EPC2: variants seen among roughly 807,000 people sequenced by gnomAD.
The protein encoded by EPC2 is enhancer of polycomb homolog 2.
Under a neutral mutation model 92.1 loss-of-function variants are expected in EPC2, and 14 were observed. That is an observed-to-expected ratio of 0.15 (90% CI 0.10 to 0.24). EPC2 has a LOEUF of 0.24. Ranked by LOEUF, EPC2 falls within the 10% of genes least tolerant of loss-of-function variation. The pLI, the probability that EPC2 is intolerant of heterozygous loss-of-function variation, is 1.00. For missense variants in EPC2, 755 were observed against 971.5 expected (o/e 0.78, Z 2.96); for synonymous variants, 340 against 334.7 (o/e 1.02, Z -0.17).
At chr2:148,744,989 G>GCCCCCCCCCCCCCCCCCCC (rs34269450) in intron 3 of EPC2, among the ~76,000 whole-genome samples, 1 of 46,296 alleles carries the variant, frequency 2.2e-5, no homozygotes, top group Non-Finnish European at 4.9e-5. Flanking sequence ...CTATCAGTTT[G>GCCCCCCCCCCCCCCCCCCC]CCCCCCCCCC....
At chr2:148,785,250 A>G (rs1167771616) in intron 13 of EPC2, among the ~76,000 whole-genome samples, 1 of 151,786 alleles carries the variant, frequency 6.6e-6, no homozygotes, top group Non-Finnish European at 1.5e-5. Flanking sequence ...GAGAGAGAGA[A>G]AGGAAAAGAA....
rs1342500626 is a variant in EPC2, at chr2:148,762,653, T to C, written c.816-17T>C. 1 of 1,549,388 alleles carries C rather than the reference T, an allele frequency of 6.5e-7. No homozygotes were observed. The highest frequency in any genetic ancestry group is 8.7e-7 in the Non-Finnish European group (1 of 1,147,768). On this transcript the variant is annotated splice_polypyrimidine_tract_variant and intron_variant, in intron 5 of 13. Transcript: ENST00000258484. Reference sequence around the variant, plus strand: ...AAACTATGCAATGTTTTCTTATATTTTTGTTACCTTTTCAAGATACCATTT... The same window carrying C: ...AAACTATGCAATGTTTTCTTATATTCTTGTTACCTTTTCAAGATACCATTT...
intron 2 of EPC2, chr2:148,692,388 T>C (rs1681664234): frequency 6.6e-6 from 1 of 152,462 alleles, no homozygotes; most frequent in Admixed American, 6.5e-5. Context: ...TATTTTATTT[T>C]CTTTTGTGTT....
chr2:148,736,223 A>G (rs1682751570), intron 2 of EPC2, among the ~76,000 whole-genome samples: 1 of 152,088 alleles, frequency 6.6e-6, no homozygotes, highest in African/African-American at 2.4e-5. Flanking sequence ...GAGGATGTTT[A>G]TTTTGTTTTA....
chr2:148,747,324 A>G (rs1030732858), intron 3 of EPC2, among the ~76,000 whole-genome samples: 2 of 152,016 alleles, frequency 1.3e-5, no homozygotes, highest in African/African-American at 4.8e-5. Context: ...ACTCCTGTAG[A>G]AGCATAATCC....
intron 2 of EPC2, among the ~76,000 whole-genome samples, chr2:148,709,028 C>T (rs6750985): frequency 0.24 from 36,708 of 151,888 alleles, 5,093 homozygotes; most frequent in East Asian, 0.51. Context: ...GAAAGGGTAT[C>T]CAATTAGGAA....
At chr2:148,694,797 C>T (rs1408464036) in intron 2 of EPC2, among the ~76,000 whole-genome samples, 1 of 152,198 alleles carries the variant, frequency 6.6e-6, no homozygotes, top group Non-Finnish European at 1.5e-5. Context: ...CGGAATCTTG[C>T]TCTGTTGCCC....
At chr2:148,740,071 G>A (rs1378457964) in intron 2 of EPC2, among the ~76,000 whole-genome samples, 1 of 151,506 alleles carries the variant, frequency 6.6e-6, no homozygotes, top group Non-Finnish European at 1.5e-5. Flanking sequence ...CCCACTATTT[G>A]TAAGAGTGGA....
chr2:148,763,808 T>A (rs1482686723), intron 6 of EPC2, among the ~76,000 whole-genome samples: 1 of 152,228 alleles, frequency 6.6e-6, no homozygotes, highest in African/African-American at 2.4e-5. Flanking sequence ...CCATTTTGTG[T>A]CAATCAATGC....
intron 2 of EPC2, among the ~76,000 whole-genome samples, chr2:148,740,740 A>T (rs1682866142): frequency 6.6e-6 from 1 of 152,166 alleles, no homozygotes; most frequent in Non-Finnish European, 1.5e-5. Context: ...ACTTCTGTTT[A>T]ACTTATAAAT....
chr2:148,783,720 G>A lies in EPC2; in HGVS notation c.1981G>A (p.Gly661Ser), dbSNP rs751389449. ...TGAGGTAGCCAAGGAACAGAACACT[G>A]GCCACAACAACATAAACGGTGTTGT... ...RSEVAKEQNTGHNNINGVVQP... is the reference protein window; with the variant it reads ...RSEVAKEQNTSHNNINGVVQP... The change falls in exon 12 of 14, where the codon GGC becomes AGC. Residue 661 changes from glycine to serine, a missense_variant. Coordinates refer to ENST00000258484, the MANE Select transcript of EPC2 (RefSeq NM_015630.4). The A allele has an allele frequency of 1.0e-5, 16 of 1,592,608 alleles. No individual in the cohort carries two copies. The Admixed American group carries it at 1.9e-4, about 19-fold the overall frequency.
intron 3 of EPC2, among the ~76,000 whole-genome samples, chr2:148,750,634 T>C (rs1053766764): frequency 2.0e-5 from 3 of 152,116 alleles, no homozygotes; most frequent in African/African-American, 7.2e-5. Context: ...TTTGTGGCAT[T>C]GTGTAAATTA....
Position 148,771,269 on chromosome 2 carries a change from T to G in EPC2, c.1602T>G (p.Asn534Lys), listed in dbSNP as rs191190211. 792 of 1,613,952 alleles carry G rather than the reference T, an allele frequency of 4.9e-4. No homozygotes were observed. Among genetic ancestry groups the G allele is most frequent in the Non-Finnish European group, 5.9e-4 (696 of 1,179,860 alleles). ...AGTGTTTCCAGCCAAGGCTACTAAA[T>G]TTACAGGACAGTGATAGTGAAGAAT... ...RLQCFQPRLL[N>K]LQDSDSEECT... The change falls in exon 10 of 14, where the codon AAT becomes AAG. Residue 534 changes from asparagine to lysine, a missense_variant. Asn to Lys is a moderately conservative substitution (Grantham distance 94). Coordinates refer to ENST00000258484, the MANE Select transcript of EPC2 (RefSeq NM_015630.4).
chr2:148,668,411 A>G (rs568403714), intron 1 of EPC2, among the ~76,000 whole-genome samples: 2 of 152,174 alleles, frequency 1.3e-5, no homozygotes, highest in Admixed American at 6.5e-5. Context: ...TTTCCTTCCA[A>G]TATCTTTTTC....
At chr2:148,747,320 G>T (rs999628377) in intron 3 of EPC2, among the ~76,000 whole-genome samples, 2 of 151,928 alleles carry the variant, frequency 1.3e-5, no homozygotes, top group African/African-American at 4.8e-5. Flanking sequence ...TTTTACTCCT[G>T]TAGAAGCATA....
chr2:148,774,364 C>T (rs527988182), intron 10 of EPC2, among the ~76,000 whole-genome samples: 6 of 152,154 alleles, frequency 3.9e-5, no homozygotes, highest in African/African-American at 7.2e-5. Flanking sequence ...TGGTGGCTCA[C>T]GCCTGTAATC....
chr2:148,702,928 C>T (rs1681918421), intron 2 of EPC2, among the ~76,000 whole-genome samples: 2 of 152,042 alleles, frequency 1.3e-5, no homozygotes. Context: ...CACAGGGAAG[C>T]CAAAAGATTG....
At chr2:148,670,535 AT>A (rs1343127972) in intron 1 of EPC2, among the ~76,000 whole-genome samples, 1 of 152,006 alleles carries the variant, frequency 6.6e-6, no homozygotes, top group Non-Finnish European at 1.5e-5. Flanking sequence ...ACAAGATAGG[AT>A]TTATTTTTTG....
chr2:148,763,320 C>T (rs1340957821), intron 6 of EPC2, among the ~76,000 whole-genome samples: 1 of 152,070 alleles, frequency 6.6e-6, no homozygotes, highest in African/African-American at 2.4e-5. Flanking sequence ...CAGTTTCTTC[C>T]TAATGAAAGA....
Sources: allele counts gnomAD v4.1 joint callset (sites outside exome capture counted in the v4.1 genomes callset), GRCh38; gene constraint gnomAD v4.1.1; transcripts MANE v1.5; gene names NCBI Gene and HGNC (gene_info 2026-07-23, HGNC 2026-07-21).